Variants in AFAP1 observed in about 807,000 individuals in gnomAD.
The protein encoded by AFAP1 is actin filament-associated protein 1.
AFAP1 carries 75 observed loss-of-function variants against 93.9 expected under a neutral mutation model. That is an observed-to-expected ratio of 0.80 (90% confidence interval 0.66 to 0.97). The LOEUF (loss-of-function observed/expected upper bound fraction) is 0.97. Ranked by LOEUF, AFAP1 falls within the 50% of genes least tolerant of loss-of-function variation. The pLI is 0.00. For synonymous variants in AFAP1, 517 were observed against 430.7 expected (o/e 1.20, Z -2.48); for missense variants, 1,201 against 1,050.8 (o/e 1.14, Z -1.98).
At chr4:7,784,904 C>T (rs372834318) in intron 12 of AFAP1, among the ~76,000 whole-genome samples, 2 of 152,132 alleles carry the variant, frequency 1.3e-5, no homozygotes, top group Middle Eastern at 3.4e-3. Flanking sequence ...ATCAGGATAT[C>T]GGGGAAAAGA....
chr4:7,938,175 G>A (rs954254427), intron 1 of AFAP1, among the ~76,000 whole-genome samples: 2 of 151,742 alleles, frequency 1.3e-5, no homozygotes, highest in African/African-American at 4.8e-5. Context: ...GTAGAGTGGG[G>A]GTCTGGGGCA....
chr4:7,870,386 G>A (rs551028830), intron 2 of AFAP1, among the ~76,000 whole-genome samples: 1 of 152,164 alleles, frequency 6.6e-6, no homozygotes, highest in African/African-American at 2.4e-5. Context: ...CAGGCCAGGC[G>A]CAATGGTTCA....
chr4:7,903,739 T>C (rs1325483999), intron 1 of AFAP1, among the ~76,000 whole-genome samples: 1 of 152,052 alleles, frequency 6.6e-6, no homozygotes, highest in Non-Finnish European at 1.5e-5. Context: ...AGAAAGAACA[T>C]GAAAGATTAA....
intron 14 of AFAP1, 74 bp downstream of exon 14, chr4:7,778,688 G>T: frequency 6.9e-7 from 1 of 1,439,672 alleles, no homozygotes; most frequent in Non-Finnish European, 9.8e-7. Context: ...CTCACGGGTG[G>T]GCAGGCTCAG....
rs754756398 is a variant in AFAP1 at position 7,774,766 on chromosome 4, G to A, written c.2035C>T (p.Leu679Phe). 6.2e-7 allele frequency: 1 copy of A among 1,614,232 alleles called. No individual in the cohort carries two copies. Among genetic ancestry groups the A allele is most frequent in the South Asian group, 1.1e-5 (1 of 91,082 alleles). ...GCGTTCACTTCAATAGCCGCTCGAA[G>A]GTCTTTTCTTTCCTTGCGGAGCTGG... ...LAQLRKERKDLRAAIEVNAGR... is the reference protein window; with the variant it reads ...LAQLRKERKDFRAAIEVNAGR... Residue 679 changes from leucine to phenylalanine, a missense_variant, in exon 15 of 18, where the codon CTT (leucine) becomes TTT (phenylalanine). Transcript: ENST00000420658.
At chr4:7,841,977 C>T (rs1369312966) in intron 5 of AFAP1, among the ~76,000 whole-genome samples, 2 of 152,108 alleles carry the variant, frequency 1.3e-5, no homozygotes, top group Non-Finnish European at 2.9e-5. Context: ...CGAAGCTTCC[C>T]TCACTGGATT....
At chr4:7,834,050 CA>C (rs1406808840) in intron 6 of AFAP1, among the ~76,000 whole-genome samples, 1 of 150,390 alleles carries the variant, frequency 6.6e-6, no homozygotes, top group Non-Finnish European at 1.5e-5. Flanking sequence ...GGAACCAACC[CA>C]AATGCCCATC....
intron 1 of AFAP1, among the ~76,000 whole-genome samples, chr4:7,885,668 G>A (rs1718103556): frequency 1.3e-5 from 2 of 152,332 alleles, no homozygotes; most frequent in South Asian, 2.1e-4. Flanking sequence ...TATGTTTCCA[G>A]TTCTCCATAA....
intron 1 of AFAP1, among the ~76,000 whole-genome samples, chr4:7,912,677 G>A (rs1319372047): frequency 6.6e-6 from 1 of 152,134 alleles, no homozygotes; most frequent in African/African-American, 2.4e-5. Context: ...ACAGATGTAA[G>A]TCCTTTATCA....
intron 1 of AFAP1, among the ~76,000 whole-genome samples, chr4:7,934,169 G>A (rs550223169): frequency 1.3e-5 from 2 of 152,294 alleles, no homozygotes; most frequent in South Asian, 4.2e-4. Context: ...TAGGTTTCAG[G>A]TAAGTGATTG....
intron 1 of AFAP1, among the ~76,000 whole-genome samples, chr4:7,894,507 C>T (rs114718410): frequency 0.022 from 3,314 of 152,254 alleles, 95 homozygotes; most frequent in African/African-American, 0.066. Context: ...AGCCTGGTGA[C>T]GGCGGCAACC....
intron 6 of AFAP1, among the ~76,000 whole-genome samples, chr4:7,837,928 C>A (rs945851922): frequency 6.6e-6 from 1 of 152,112 alleles, no homozygotes; most frequent in African/African-American, 2.4e-5. Context: ...GTGGGAGGAT[C>A]GATTGAGCCC....
intron 1 of AFAP1, among the ~76,000 whole-genome samples, chr4:7,895,882 G>C (rs543326132): frequency 7.2e-6 from 1 of 139,540 alleles, no homozygotes; most frequent in Non-Finnish European, 1.6e-5. Context: ...TTTTAAGACG[G>C]GAGTTTCACT....
rs1019737789 is a variant in AFAP1 at position 7,855,580 on chromosome 4, G to A, written c.226-6C>T. The stretch of plus-strand genomic sequence containing the variant: ...GGAGGCCCACTGTCAGGAGGCTGAG[G>A]AAGAAAGGAAAAGTGACACAGAAAT... On this transcript the variant is annotated splice_region_variant and splice_polypyrimidine_tract_variant and intron_variant, in intron 3 of 17. Transcript: ENST00000420658. 5.6e-6 allele frequency: 9 copies of A among 1,600,516 alleles called. No individual in the cohort carries two copies. In the Admixed American group the frequency reaches 6.7e-5, roughly 12 times the overall value.
At chr4:7,779,542 A>C (rs1318925226) in intron 13 of AFAP1, among the ~76,000 whole-genome samples, 2 of 152,238 alleles carry the variant, frequency 1.3e-5, no homozygotes, top group East Asian at 3.8e-4. Context: ...TTAGCTGTGT[A>C]ATTAATTCAG....
At chr4:7,791,180 C>A (rs1717828652) in intron 11 of AFAP1, among the ~76,000 whole-genome samples, 1 of 152,230 alleles carries the variant, frequency 6.6e-6, no homozygotes, top group East Asian at 1.9e-4. Context: ...CTTCTTCACA[C>A]TTGAAAGGTC....
intron 1 of AFAP1, among the ~76,000 whole-genome samples, chr4:7,933,491 T>C (rs965200839): frequency 2.0e-5 from 3 of 152,128 alleles, no homozygotes; most frequent in African/African-American, 4.8e-5. Flanking sequence ...GAGAATCACT[T>C]GAACCCCAGA....
intron 17 of AFAP1, 27 bp from the exon 18 acceptor site, chr4:7,763,818 G>A (rs1182465736): frequency 6.4e-7 from 1 of 1,551,200 alleles, no homozygotes; most frequent in Non-Finnish European, 8.7e-7. Context: ...TCTTGTAAGT[G>A]GACAGGGCAA....
intron 3 of AFAP1, among the ~76,000 whole-genome samples, chr4:7,862,922 G>A (rs1423717367): frequency 5.9e-5 from 9 of 152,152 alleles, no homozygotes; most frequent in Non-Finnish European, 8.8e-5. Flanking sequence ...CAGCACAAAC[G>A]GCGCTTATCC....
Sources: allele counts gnomAD v4.1 joint callset (sites outside exome capture counted in the v4.1 genomes callset), GRCh38; gene constraint gnomAD v4.1.1; transcripts MANE v1.5; gene names NCBI Gene and HGNC (gene_info 2026-07-23, HGNC 2026-07-21).